Variants in NMI observed in about 807,000 individuals in gnomAD.
NMI encodes N-myc and STAT interactor.
Under a neutral mutation model 34.3 loss-of-function variants are expected in NMI, and 39 were observed. That is an observed-to-expected ratio of 1.14 (90% CI 0.88 to 1.49). NMI has a LOEUF of 1.49. NMI is among the 40% of genes most tolerant of loss of function. NMI has a pLI of 0.00. For missense variants in NMI, 339 were observed against 358.1 expected (o/e 0.95, Z 0.43); for synonymous variants, 113 against 120.3 (o/e 0.94, Z 0.40).
intron 1 of NMI, among the ~76,000 whole-genome samples, chr2:151,283,941 A>G (rs1020133443): frequency 7.9e-5 from 12 of 152,248 alleles, no homozygotes; most frequent in African/African-American, 2.9e-4. Context: ...GTTTGTGTTT[A>G]ACATTGCTTC....
In NMI at chr2:151,271,606, G is replaced by T; in HGVS notation, c.741+20C>A. The stretch of plus-strand genomic sequence containing the variant: ...TTTGGGCAGTGAGTTCTGAAAATGA[G>T]AGAACAGAGATGACTTTACCTGATA... On this transcript the variant is annotated intron_variant, in intron 7 of 7. Transcript: ENST00000243346. 1 of 1,246,790 alleles carries T rather than the reference G, an allele frequency of 8.0e-7. No homozygotes were observed. The highest frequency in any genetic ancestry group is 1.2e-5 in the South Asian group (1 of 81,274). 77.2% of individuals were successfully genotyped at this position (1,246,790 alleles called of 1,614,324 possible). A position where few individuals can be genotyped will look rare whatever the true frequency, so the allele number is the denominator to read the frequency against.
chr2:151,277,773 G>A (rs2105205941), intron 4 of NMI: 1 of 152,296 alleles, frequency 6.6e-6, no homozygotes, highest in African/African-American at 2.4e-5. Context: ...CTACAGTGGT[G>A]CACCAGTTTT....
chr2:151,280,593 G>A (rs1683380056), intron 3 of NMI, among the ~76,000 whole-genome samples: 3 of 152,300 alleles, frequency 2.0e-5, no homozygotes, highest in South Asian at 4.1e-4. Context: ...ACCACACTGC[G>A]ACAGACAGCA....
chr2:151,285,382 GATAGATAGATAGATAGA>G (rs1683475876), intron 1 of NMI, among the ~76,000 whole-genome samples: 1 of 148,862 alleles, frequency 6.7e-6, no homozygotes, highest in East Asian at 2.2e-4. Flanking sequence ...TAGATAGATA[GATAGATAGATAGATAGA>G]TAGATAAATA....
chr2:151,288,622 T>G (rs1430486141), intron 1 of NMI, among the ~76,000 whole-genome samples: 4 of 152,096 alleles, frequency 2.6e-5, no homozygotes, highest in Admixed American at 6.6e-5. Context: ...TTTAAGCCAC[T>G]AAAGCCATGT....
At chr2:151,283,347 G>A (rs918637463) in intron 1 of NMI, among the ~76,000 whole-genome samples, 2 of 151,898 alleles carry the variant, frequency 1.3e-5, no homozygotes, top group Admixed American at 6.6e-5. Context: ...TCACCATGTC[G>A]GTCAGGCTGG....
intron 1 of NMI, among the ~76,000 whole-genome samples, chr2:151,285,876 T>C (rs1573748980): frequency 6.6e-6 from 1 of 152,232 alleles, no homozygotes. Flanking sequence ...AGAATGATGA[T>C]GACATGTTGA....
At position 151,282,419 on chromosome 2, in the gene NMI, G is replaced by A. The variant is rs571573641; in HGVS notation, c.82-376C>T. Reference sequence around the variant, plus strand: ...GACTTTTAAATTGCACTGTAATAGCGGACATATTCTGGGGCAGTTTGTTGT... The same window carrying A: ...GACTTTTAAATTGCACTGTAATAGCAGACATATTCTGGGGCAGTTTGTTGT... On this transcript the variant is annotated intron_variant, in intron 2 of 7. Transcript: ENST00000243346. 7.2e-5 allele frequency among the ~76,000 whole-genome samples: 11 copies of A among 152,238 alleles called. No homozygotes were observed. The East Asian group carries it at 2.1e-3, about 29-fold the overall frequency.
At chr2:151,283,610 G>A (rs748939941) in intron 1 of NMI, among the ~76,000 whole-genome samples, 8 of 152,162 alleles carry the variant, frequency 5.3e-5, no homozygotes, top group Non-Finnish European at 7.4e-5. Context: ...GTTTTCCAAC[G>A]TTTTTCAAAG....
rs78680836 is a variant in NMI at position 151,287,645 on chromosome 2, C to G, written c.-7+1948G>C. On this transcript the variant is annotated intron_variant, in intron 1 of 7. Transcript: ENST00000243346. ...AGCTCCCGAAGCCTTTTCTGATTCC[C>G]CCAAAGGATGTTACTCCCCCTCCTT... is the stretch of plus-strand genomic sequence containing the variant. Among the ~76,000 whole-genome samples the G allele has an allele frequency of 4.4e-3, 677 of 152,176 alleles. 1 individual carries two copies. The highest frequency in any genetic ancestry group is 5.2e-3 in the Non-Finnish European group (357 of 68,006).
Position 151,281,990 on chromosome 2 carries a change from T to C in NMI, c.135A>G (p.Gln45=), listed in dbSNP as rs753847155. 1 of 1,565,236 alleles carries C rather than the reference T, an allele frequency of 6.4e-7. No individual in the cohort carries two copies. Among genetic ancestry groups the C allele is most frequent in the South Asian group, 1.1e-5 (1 of 88,374 alleles). The change falls in exon 3 of 8, where the codon CAA becomes CAG. Residue 45 remains glutamine (Q), a synonymous_variant. Coordinates refer to ENST00000243346, the MANE Select transcript of NMI (RefSeq NM_004688.3). ...KKNIQLKKEI[Q]KLETELQEAT... is the part of the protein sequence containing the mutation. ...CCTCTTGTAACTCCGTTTCAAGCTT[T>C]TGGATCTCCTTCTTTAGTTGAATAT...
At chr2:151,284,555 C>A (rs1683462400) in intron 1 of NMI, among the ~76,000 whole-genome samples, 2 of 152,164 alleles carry the variant, frequency 1.3e-5, no homozygotes, top group South Asian at 4.1e-4. Context: ...CCCTTGGACT[C>A]CCAAAGTGCT....
chr2:151,279,759 A>G (rs1276622364), intron 3 of NMI, among the ~76,000 whole-genome samples: 1 of 152,122 alleles, frequency 6.6e-6, no homozygotes, highest in Non-Finnish European at 1.5e-5. Flanking sequence ...TACAGGCGTG[A>G]GCCACCACAC....
At chr2:151,274,016 A>T (rs537681956) in intron 6 of NMI, among the ~76,000 whole-genome samples, 23 of 152,036 alleles carry the variant, frequency 1.5e-4, no homozygotes, top group Admixed American at 2.6e-4. Flanking sequence ...TCCCACCAGG[A>T]TGTCCTAAAC....
At chr2:151,287,553 C>A (rs1683526546) in intron 1 of NMI, among the ~76,000 whole-genome samples, 1 of 152,122 alleles carries the variant, frequency 6.6e-6, no homozygotes, top group South Asian at 2.1e-4. Context: ...CCTTCCTCCT[C>A]TCCCAAACTT....
chr2:151,282,006 A>G lies in NMI; in HGVS notation c.119T>C (p.Leu40Pro), dbSNP rs1430315848. Residue 40 changes from leucine (L) to proline (P), a missense_variant, in exon 3 of 8, where the codon CTA becomes CCA. Coordinates refer to ENST00000243346, the MANE Select transcript of NMI (RefSeq NM_004688.3). ...TTCAAGCTTTTGGATCTCCTTCTTT[A>G]GTTGAATATTTTTCTTTGTAATTTC... ...IDEITKKNIQ[L>P]KKEIQKLETE... 1.9e-6 allele frequency: 3 copies of G among 1,560,514 alleles called. No homozygotes were observed. The African/African-American group carries it at 4.1e-5, about 21-fold the overall frequency.
chr2:151,276,983 G>C (rs1683302302), intron 4 of NMI, among the ~76,000 whole-genome samples: 1 of 152,146 alleles, frequency 6.6e-6, no homozygotes, highest in Non-Finnish European at 1.5e-5. Context: ...AATGTGAGTG[G>C]GCATTTATTT....
chr2:151,280,702 T>C (rs760340863), intron 3 of NMI, among the ~76,000 whole-genome samples: 6 of 152,206 alleles, frequency 3.9e-5, no homozygotes, highest in Non-Finnish European at 7.3e-5. Flanking sequence ...TAAGACTGCA[T>C]GATTCTAGCT....
chr2:151,270,776 G>A lies in NMI; in HGVS notation c.841C>T (p.Gln281Ter). ...TCTCCACCTCCATTCTTTGCCCGTTGAAAGTGAATGTTAATTAAATCCTCC... is the reference window on the plus strand; with the variant it reads ...TCTCCACCTCCATTCTTTGCCCGTTAAAAGTGAATGTTAATTAAATCCTCC... Reference protein sequence around the residue: ...IVEDLINIHFQRAKNGGGEVD... With the variant: ...IVEDLINIHF Residue 281 changes from glutamine (Q) to a stop codon, truncating the protein, a stop_gained, in exon 8 of 8, where the codon CAA (glutamine) becomes TAA (stop). Transcript: ENST00000243346. LOFTEE classifies it high-confidence loss of function. The A allele has an allele frequency of 1.4e-5, 22 of 1,613,936 alleles. No individual in the cohort carries two copies. The highest frequency in any genetic ancestry group is 1.6e-5 in the Non-Finnish European group (19 of 1,179,884).
Sources: allele counts gnomAD v4.1 joint callset (sites outside exome capture counted in the v4.1 genomes callset), GRCh38; gene constraint gnomAD v4.1.1; transcripts MANE v1.5; gene names NCBI Gene and HGNC (gene_info 2026-07-23, HGNC 2026-07-21).